Variants in ZNF438 observed in about 807,000 individuals in gnomAD.
The protein encoded by ZNF438 is zinc finger protein 438.
In ZNF438, 25 loss-of-function variants were observed where a neutral mutation model predicts 38.0. The observed-to-expected ratio is 0.66, with a 90% CI of 0.48 to 0.92. The LOEUF (loss-of-function observed/expected upper bound fraction) is 0.92. ZNF438 is among the 40% of genes least tolerant of loss of function. The probability of loss-of-function intolerance (pLI) is 0.00; values close to 1 mark genes in which losing one functional copy is unlikely to be tolerated. For missense variants in ZNF438, 1,007 were observed against 999.6 expected (o/e 1.01, Z -0.10); for synonymous variants, 372 against 364.1 (o/e 1.02, Z -0.25).
At chr10:30,990,416 G>A (rs2053357429) in intron 1 of ZNF438, among the ~76,000 whole-genome samples, 1 of 152,136 alleles carries the variant, frequency 6.6e-6, no homozygotes, top group Admixed American at 6.5e-5. Context: ...TTGACAGTAG[G>A]TTATCCAGAC....
intron 1 of ZNF438, among the ~76,000 whole-genome samples, chr10:30,951,709 T>C (rs1452376341): frequency 6.6e-6 from 1 of 151,560 alleles, no homozygotes; most frequent in Non-Finnish European, 1.5e-5. Context: ...GAAGGACCTC[T>C]TCAAGGATAA....
chr10:30,969,446 A>G (rs1211335726), intron 1 of ZNF438, among the ~76,000 whole-genome samples: 2 of 152,198 alleles, frequency 1.3e-5, no homozygotes, highest in Non-Finnish European at 2.9e-5. Flanking sequence ...AATAACAAAT[A>G]TGCAGTCTCA....
At chr10:30,990,704 G>A (rs1007113120) in intron 1 of ZNF438, among the ~76,000 whole-genome samples, 3 of 152,004 alleles carry the variant, frequency 2.0e-5, no homozygotes, top group Non-Finnish European at 2.9e-5. Context: ...CCACAAATAC[G>A]CACACATTAA....
chr10:30,929,116 G>C (rs1033864897), intron 2 of ZNF438, among the ~76,000 whole-genome samples: 3 of 152,238 alleles, frequency 2.0e-5, no homozygotes, highest in African/African-American at 7.2e-5. Flanking sequence ...GTGGTGGCCA[G>C]GCACAGTGGC....
intron 3 of ZNF438, among the ~76,000 whole-genome samples, chr10:30,908,372 T>C (rs1170662423): frequency 1.3e-5 from 2 of 152,182 alleles, no homozygotes; most frequent in Non-Finnish European, 2.9e-5. Flanking sequence ...CAGATGTCTG[T>C]TAGGTGTATG....
intron 1 of ZNF438, among the ~76,000 whole-genome samples, chr10:30,957,020 T>C (rs1161005255): frequency 6.6e-6 from 1 of 152,178 alleles, no homozygotes; most frequent in African/African-American, 2.4e-5. Context: ...CAGTGTAAAT[T>C]AACAGTTCCC....
At chr10:30,941,245 T>G (rs916682806) in intron 2 of ZNF438, among the ~76,000 whole-genome samples, 1 of 152,092 alleles carries the variant, frequency 6.6e-6, no homozygotes, top group Admixed American at 6.5e-5. Context: ...CTAATTTTTG[T>G]AGTTTTAGTA....
At chr10:30,855,955 C>T (rs924925210) in intron 4 of ZNF438, among the ~76,000 whole-genome samples, 4 of 152,192 alleles carry the variant, frequency 2.6e-5, no homozygotes, top group Admixed American at 1.3e-4. Context: ...CCACCGAATA[C>T]GCTCTGTGCC....
intron 4 of ZNF438, chr10:30,875,188 CT>C: frequency 1.1e-6 from 1 of 932,678 alleles, no homozygotes; most frequent in Non-Finnish European, 1.3e-6. Flanking sequence ...AGTATCCAAG[CT>C]TATGTGATAG....
At chr10:30,997,578 T>A (rs1186349610) in intron 1 of ZNF438, among the ~76,000 whole-genome samples, 2 of 148,328 alleles carry the variant, frequency 1.3e-5, no homozygotes, top group African/African-American at 2.5e-5. Context: ...AAATCCTATT[T>A]TTTTTTTTTT....
At chr10:30,936,672 C>CA (rs199667557) in intron 2 of ZNF438, among the ~76,000 whole-genome samples, 13,179 of 150,180 alleles carry the variant, frequency 0.088, 621 homozygotes, top group Non-Finnish European at 0.11. Context: ...GACATCGTCT[C>CA]AAAAAAAAAT....
At chr10:30,974,228 C>T (rs185432160) in intron 1 of ZNF438, among the ~76,000 whole-genome samples, 3 of 152,218 alleles carry the variant, frequency 2.0e-5, no homozygotes, top group Admixed American at 6.5e-5. Flanking sequence ...GCCTATAATC[C>T]CAACATTTTG....
intron 1 of ZNF438, among the ~76,000 whole-genome samples, chr10:30,985,202 G>T (rs2052635544): frequency 6.6e-6 from 1 of 152,200 alleles, no homozygotes; most frequent in Non-Finnish European, 1.5e-5. Context: ...GGCAGGAGCA[G>T]GTAGGGACAG....
intron 1 of ZNF438, among the ~76,000 whole-genome samples, chr10:30,972,446 C>G (rs1452186690): frequency 6.6e-6 from 1 of 152,148 alleles, no homozygotes; most frequent in Non-Finnish European, 1.5e-5. Flanking sequence ...TAGTTCACAG[C>G]CATAACTTTG....
rs544060124 is a variant in ZNF438, at chr10:30,900,425, C to A, written c.-32+8508G>T. ...CAAAGAAAACCACCACCACCAATAACCATAACTGAATTAACCTCTTAATTA... is the reference window on the plus strand; with the variant it reads ...CAAAGAAAACCACCACCACCAATAAACATAACTGAATTAACCTCTTAATTA... On this transcript the variant is annotated intron_variant, in intron 3 of 5. Coordinates refer to ENST00000413025, the Ensembl canonical transcript of ZNF438. 7.2e-5 allele frequency among the ~76,000 whole-genome samples: 11 copies of A among 152,196 alleles called. No individual in the cohort carries two copies. The East Asian group carries it at 2.1e-3, about 29-fold the overall frequency.
At chr10:30,860,336 T>A (rs969860957) in intron 4 of ZNF438, among the ~76,000 whole-genome samples, 1 of 152,222 alleles carries the variant, frequency 6.6e-6, no homozygotes, top group Non-Finnish European at 1.5e-5. Flanking sequence ...CAACTATCCA[T>A]GTTTTGTTGA....
chr10:30,965,083 A>C (rs1357010255), intron 1 of ZNF438, among the ~76,000 whole-genome samples: 1 of 152,190 alleles, frequency 6.6e-6, no homozygotes, highest in African/African-American at 2.4e-5. Flanking sequence ...AAGGAACTTA[A>C]GCAATTCAAC....
At chr10:30,994,542 C>A (rs2053850060) in intron 1 of ZNF438, among the ~76,000 whole-genome samples, 1 of 152,174 alleles carries the variant, frequency 6.6e-6, no homozygotes, top group Admixed American at 6.5e-5. Context: ...CCTTGGGACT[C>A]TGTAGAGAAT....
chr10:30,898,307 G>C (rs73249062), intron 3 of ZNF438, among the ~76,000 whole-genome samples: 1,824 of 152,200 alleles, frequency 0.012, 44 homozygotes, highest in African/African-American at 0.042. Context: ...AGGGAGAGAG[G>C]TGGTTCTCAA....
Sources: allele counts gnomAD v4.1 joint callset (sites outside exome capture counted in the v4.1 genomes callset), GRCh38; gene constraint gnomAD v4.1.1; transcripts MANE v1.5; gene names NCBI Gene and HGNC (gene_info 2026-07-23, HGNC 2026-07-21).